The following RCAN1 variants were observed in gnomAD, a reference collection of about 807,000 sequenced individuals.
RCAN1 encodes regulator of calcineurin 1.
A neutral mutation model predicts 22.9 loss-of-function variants in RCAN1; 11 were observed. That is an observed-to-expected ratio of 0.48 (90% confidence interval 0.30 to 0.79). RCAN1 has a LOEUF of 0.79. Among genes scored for constraint, RCAN1 ranks in the 30% least tolerant of loss-of-function variants. The pLI is 0.06. For missense variants in RCAN1, 291 were observed against 337.8 expected (o/e 0.86, Z 1.09); for synonymous variants, 136 against 142.3 (o/e 0.96, Z 0.32).
chr21:34,522,863 C>T (rs1984686601), intron 2 of RCAN1: 1 of 152,160 alleles, frequency 6.6e-6, no homozygotes, highest in South Asian at 2.1e-4. Flanking sequence ...ACTCTGGGAG[C>T]TGCCTTGAAG....
At chr21:34,522,516 C>T (rs994671171) in intron 2 of RCAN1, 6 of 152,212 alleles carry the variant, frequency 3.9e-5, no homozygotes, top group African/African-American at 1.4e-4. Context: ...CAGCCTGTGC[C>T]TCCCAGGGCA....
chr21:34,554,110 A>C (rs934563587), intron 1 of RCAN1, among the ~76,000 whole-genome samples: 1 of 152,246 alleles, frequency 6.6e-6, no homozygotes. Flanking sequence ...ATCTTTAGCT[A>C]GAGCTCTCGG....
chr21:34,519,341 A>C (rs1984298913), intron 3 of RCAN1, among the ~76,000 whole-genome samples: 1 of 149,874 alleles, frequency 6.7e-6, no homozygotes, highest in Non-Finnish European at 1.5e-5. Context: ...GTTTTCTTCC[A>C]GGGCTTTGTG....
intron 1 of RCAN1, among the ~76,000 whole-genome samples, chr21:34,555,571 C>CAA (rs10683737): frequency 0.039 from 5,147 of 131,008 alleles, 107 homozygotes; most frequent in Non-Finnish European, 0.053. Context: ...GGCTGTGTCT[C>CAA]AAAAAAAAAA....
intron 1 of RCAN1, among the ~76,000 whole-genome samples, chr21:34,598,978 A>G (rs1988249868): frequency 6.6e-6 from 1 of 152,156 alleles, no homozygotes; most frequent in South Asian, 2.1e-4. Flanking sequence ...GATCCTGGCA[A>G]TGATTCAAAA....
chr21:34,613,934 G>T, intron 1 of RCAN1: 1 of 1,145,548 alleles, frequency 8.7e-7, no homozygotes, highest in Non-Finnish European at 1.1e-6. Flanking sequence ...TCAAAGACCG[G>T]TTTCATTCTG....
chr21:34,613,572 G>A (rs563045666), intron 1 of RCAN1, among the ~76,000 whole-genome samples: 161 of 152,336 alleles, frequency 1.1e-3, no homozygotes, highest in Non-Finnish European at 1.9e-3. Flanking sequence ...CAGAAAGACA[G>A]CCTAGAACTC....
At chr21:34,592,721 G>A (rs1013800171) in intron 1 of RCAN1, among the ~76,000 whole-genome samples, 4 of 152,140 alleles carry the variant, frequency 2.6e-5, no homozygotes, top group Non-Finnish European at 2.9e-5. Context: ...TCTGTTTCTT[G>A]TGTTTTCCGA....
intron 1 of RCAN1, among the ~76,000 whole-genome samples, chr21:34,536,575 C>A (rs1985680431): frequency 6.6e-6 from 1 of 152,148 alleles, no homozygotes; most frequent in African/African-American, 2.4e-5. Context: ...GCCTGGAAAA[C>A]CTTTTCCTTC....
chr21:34,558,483 G>A (rs571644587), intron 1 of RCAN1, among the ~76,000 whole-genome samples: 2 of 152,326 alleles, frequency 1.3e-5, no homozygotes, highest in Admixed American at 1.3e-4. Context: ...AAATGATCAA[G>A]AAGAAAACGT....
At chr21:34,573,707 T>A (rs2123686463) in intron 1 of RCAN1, among the ~76,000 whole-genome samples, 1 of 152,342 alleles carries the variant, frequency 6.6e-6, no homozygotes, top group Non-Finnish European at 1.5e-5. Flanking sequence ...GACTCTTTCT[T>A]GGTCCTTTCT....
At chr21:34,521,721 C>G in intron 2 of RCAN1, 63 bp from the exon 3 acceptor site, 1 of 1,382,668 alleles carries the variant, frequency 7.2e-7, no homozygotes, top group Non-Finnish European at 1.0e-6. Flanking sequence ...GAGGCAACAG[C>G]ACCTAACGCC....
chr21:34,530,848 C>T lies in RCAN1; in HGVS notation c.253-7138G>A, dbSNP rs1376356384. Among the ~76,000 whole-genome samples, 9 of 152,226 alleles carry T rather than the reference C, an allele frequency of 5.9e-5. No individual in the cohort carries two copies. The East Asian group carries it at 1.4e-3, about 23-fold the overall frequency. On this transcript the variant is annotated intron_variant, in intron 1 of 3. Coordinates refer to ENST00000313806, the MANE Select transcript of RCAN1 (RefSeq NM_004414.7). ...CCATGTTGGTCAGGCTGGTCTCAAA[C>T]TCCTGACCTCGTGATCCACCCGCCT...
chr21:34,525,446 T>C, intron 1 of RCAN1: 1 of 1,380,534 alleles, frequency 7.2e-7, no homozygotes, highest in Non-Finnish European at 9.5e-7. Context: ...TCCCCACCTC[T>C]CTTGAGCACG....
chr21:34,557,733 T>G (rs567037214), intron 1 of RCAN1, among the ~76,000 whole-genome samples: 161 of 152,324 alleles, frequency 1.1e-3, no homozygotes, highest in African/African-American at 3.8e-3. Flanking sequence ...CAAAAAAAGA[T>G]GATGCTGATA....
At chr21:34,523,499 A>G in intron 2 of RCAN1, 38 bp downstream of exon 2, 1 of 1,595,858 alleles carries the variant, frequency 6.3e-7, no homozygotes, top group South Asian at 1.1e-5. Flanking sequence ...GGAGGGAGGG[A>G]GGAGGGAGAA....
chr21:34,608,498 C>A (rs1248392363), intron 1 of RCAN1, among the ~76,000 whole-genome samples: 3 of 152,172 alleles, frequency 2.0e-5, no homozygotes, highest in African/African-American at 7.2e-5. Flanking sequence ...GCAAGCCACC[C>A]TATGGAGAGG....
rs1251539636 is a variant in RCAN1, at chr21:34,584,036, T to C, written c.252+30724A>G. ...AACAACTTTTCTTTGAGCCTCCTCCTGAATGGAATAAGGGAATGGTTGTTC... is the reference window on the plus strand; with the variant it reads ...AACAACTTTTCTTTGAGCCTCCTCCCGAATGGAATAAGGGAATGGTTGTTC... On this transcript the variant is annotated intron_variant, in intron 1 of 3. Coordinates refer to ENST00000313806, the MANE Select transcript of RCAN1 (RefSeq NM_004414.7). Among the ~76,000 whole-genome samples the C allele has an allele frequency of 3.3e-5, 5 of 152,232 alleles. 1 individual carries two copies. Among genetic ancestry groups the C allele is most frequent in the Non-Finnish European group, 7.3e-5 (5 of 68,036 alleles).
chr21:34,605,785 T>C (rs1176473232), intron 1 of RCAN1, among the ~76,000 whole-genome samples: 7 of 151,934 alleles, frequency 4.6e-5, no homozygotes. Flanking sequence ...CCGGGCGTGG[T>C]GGCAGGCACC....
Sources: allele counts gnomAD v4.1 joint callset (sites outside exome capture counted in the v4.1 genomes callset), GRCh38; gene constraint gnomAD v4.1.1; transcripts MANE v1.5; gene names NCBI Gene and HGNC (gene_info 2026-07-23, HGNC 2026-07-21).